The following CDKAL1 variants were observed in gnomAD, a reference collection of about 807,000 sequenced individuals.
The protein encoded by CDKAL1 is CDKAL1 threonylcarbamoyladenosine tRNA methylthiotransferase, also known as threonylcarbamoyladenosine tRNA methylthiotransferase.
In CDKAL1, 32 loss-of-function variants were observed where a neutral mutation model predicts 68.2. The observed-to-expected ratio is 0.47, with a 90% CI of 0.35 to 0.63. CDKAL1 has a LOEUF of 0.63. Ranked by LOEUF, CDKAL1 falls within the 30% of genes least tolerant of loss-of-function variation. The probability of loss-of-function intolerance (pLI) is 0.00; values close to 1 mark genes in which losing one functional copy is unlikely to be tolerated. For synonymous variants in CDKAL1, 234 were observed against 244.3 expected (o/e 0.96, Z 0.39); for missense variants, 606 against 696.7 (o/e 0.87, Z 1.47).
chr6:21,101,004 A>T (rs1281041012), intron 12 of CDKAL1, among the ~76,000 whole-genome samples: 1 of 152,162 alleles, frequency 6.6e-6, no homozygotes, highest in Non-Finnish European at 1.5e-5. Context: ...CAGGTAGGGG[A>T]CTAAATATAC....
chr6:21,066,359 A>T (rs1242374675), intron 12 of CDKAL1, among the ~76,000 whole-genome samples: 2 of 151,872 alleles, frequency 1.3e-5, no homozygotes, highest in Non-Finnish European at 2.9e-5. Context: ...CTAATCAATG[A>T]AAAAAAAGCA....
intron 9 of CDKAL1, among the ~76,000 whole-genome samples, chr6:20,878,741 TA>T (rs1434882605): frequency 1.6e-5 from 2 of 128,846 alleles, no homozygotes; most frequent in Non-Finnish European, 3.4e-5. Context: ...GTCTCATAAA[TA>T]AATAAATAGC....
chr6:21,076,599 T>A (rs1207009950), intron 12 of CDKAL1, among the ~76,000 whole-genome samples: 1 of 152,246 alleles, frequency 6.6e-6, no homozygotes, highest in Non-Finnish European at 1.5e-5. Context: ...TCAGATTTTT[T>A]AATTAAATTT....
At chr6:20,975,615 G>A (rs1173158245) in intron 10 of CDKAL1, among the ~76,000 whole-genome samples, 2 of 152,080 alleles carry the variant, frequency 1.3e-5, no homozygotes, top group East Asian at 3.9e-4. Context: ...TATTTTCAAA[G>A]TAAAAATAGT....
At chr6:20,684,150 A>C (rs751430832) in intron 5 of CDKAL1, among the ~76,000 whole-genome samples, 1 of 152,216 alleles carries the variant, frequency 6.6e-6, no homozygotes, top group Non-Finnish European at 1.5e-5. Context: ...TTATGAATAA[A>C]GCTGCTTTAG....
chr6:20,566,711 A>G (rs1349414884), intron 4 of CDKAL1, among the ~76,000 whole-genome samples: 1 of 152,092 alleles, frequency 6.6e-6, no homozygotes, highest in Non-Finnish European at 1.5e-5. Context: ...TTTTTACTTT[A>G]TTGCATCCAT....
At chr6:20,861,758 T>C (rs1032401286) in intron 9 of CDKAL1, among the ~76,000 whole-genome samples, 5 of 152,198 alleles carry the variant, frequency 3.3e-5, no homozygotes, top group African/African-American at 1.2e-4. Context: ...TCTTGTGGGA[T>C]GTTGCTGGAG....
chr6:20,707,870 AG>A (rs1771673763), intron 5 of CDKAL1, among the ~76,000 whole-genome samples: 1 of 152,194 alleles, frequency 6.6e-6, no homozygotes, highest in African/African-American at 2.4e-5. Context: ...ACGTTTTAGA[AG>A]GGCTTTGAGT....
chr6:20,549,112 T>TA (rs1454754230), intron 4 of CDKAL1, among the ~76,000 whole-genome samples: 1 of 152,198 alleles, frequency 6.6e-6, no homozygotes, highest in Non-Finnish European at 1.5e-5. Flanking sequence ...GGTCCCACCT[T>TA]ACATTTAGTT....
At chr6:21,082,591 C>G (rs1041690387) in intron 12 of CDKAL1, among the ~76,000 whole-genome samples, 7 of 152,160 alleles carry the variant, frequency 4.6e-5, no homozygotes, top group Non-Finnish European at 2.9e-5. Context: ...TTTGACCAAA[C>G]AAGTGTCAGT....
At chr6:20,954,440 C>CTGTG (rs150813701) in intron 9 of CDKAL1, among the ~76,000 whole-genome samples, 2 of 151,900 alleles carry the variant, frequency 1.3e-5, no homozygotes, top group African/African-American at 2.4e-5. Context: ...GTTTGTGTGC[C>CTGTG]TGTGTGTGTG....
At chr6:20,735,690 C>T (rs922963617) in intron 5 of CDKAL1, among the ~76,000 whole-genome samples, 1 of 152,124 alleles carries the variant, frequency 6.6e-6, no homozygotes, top group African/African-American at 2.4e-5. Flanking sequence ...AAGCTTTCGC[C>T]TATTTCATGT....
At chr6:20,843,431 C>CA (rs1447060677) in intron 8 of CDKAL1, among the ~76,000 whole-genome samples, 1 of 151,694 alleles carries the variant, frequency 6.6e-6, no homozygotes, top group Non-Finnish European at 1.5e-5. Context: ...TGCTTGGAAC[C>CA]AGCATTTCAG....
intron 5 of CDKAL1, among the ~76,000 whole-genome samples, chr6:20,690,375 T>TA (rs1770817185): frequency 6.6e-6 from 1 of 152,178 alleles, no homozygotes; most frequent in African/African-American, 2.4e-5. Flanking sequence ...TATTGCATTT[T>TA]AAAAAATGTA....
At chr6:20,546,055 C>T (rs1176004925) in intron 2 of CDKAL1, among the ~76,000 whole-genome samples, 2 of 151,454 alleles carry the variant, frequency 1.3e-5, no homozygotes, top group African/African-American at 4.8e-5. Flanking sequence ...AACAGTTCCT[C>T]TCCTACTTTT....
At chr6:20,998,723 A>G (rs1767259399) in intron 10 of CDKAL1, among the ~76,000 whole-genome samples, 1 of 152,234 alleles carries the variant, frequency 6.6e-6, no homozygotes, top group African/African-American at 2.4e-5. Context: ...GAAATTCTTC[A>G]ACTCCAATTC....
chr6:20,599,493 C>A, intron 4 of CDKAL1: 1 of 333,082 alleles, frequency 3.0e-6, no homozygotes, highest in Non-Finnish European at 6.1e-6. Context: ...CATGCAAACA[C>A]TGGGTGCTTT....
At chr6:20,994,953 C>T (rs1767024315) in intron 10 of CDKAL1, among the ~76,000 whole-genome samples, 1 of 152,162 alleles carries the variant, frequency 6.6e-6, no homozygotes, top group Non-Finnish European at 1.5e-5. Context: ...TCAAACTCTG[C>T]TTTATCAACT....
At chr6:21,072,554 CAAAAAAAA>C (rs71540611) in intron 12 of CDKAL1, among the ~76,000 whole-genome samples, 21 of 44,484 alleles carry the variant, frequency 4.7e-4, no homozygotes, top group African/African-American at 8.5e-4. Context: ...GACTCCGTCT[CAAAAAAAA>C]AAAAAAAAAA....
Sources: allele counts gnomAD v4.1 joint callset (sites outside exome capture counted in the v4.1 genomes callset), GRCh38; gene constraint gnomAD v4.1.1; transcripts MANE v1.5; gene names NCBI Gene and HGNC (gene_info 2026-07-23, HGNC 2026-07-21).